The following FER1L5 variants were observed in gnomAD, a reference collection of about 807,000 sequenced individuals.
FER1L5 encodes the protein fer-1-like protein 5.
Under a neutral mutation model 279.9 loss-of-function variants are expected in FER1L5, and 187 were observed. The ratio of observed to expected loss-of-function variants is 0.67; its 90% CI spans 0.59 to 0.75. The LOEUF (loss-of-function observed/expected upper bound fraction) is 0.75, where lower values mean the gene tolerates loss of function less well. Among genes scored for constraint, FER1L5 ranks in the 30% least tolerant of loss-of-function variants. FER1L5 has a pLI of 0.00. For missense variants in FER1L5, 2,091 were observed against 2,594.4 expected, an observed-to-expected ratio of 0.81 and a Z score of 4.21; for synonymous variants, 921 against 989.7, an observed-to-expected ratio of 0.93 and a Z score of 1.30.
chr2:96,696,227 T>C, intron 37 of FER1L5, 150 bp downstream of exon 37: 3 of 838,932 alleles, frequency 3.6e-6, no homozygotes, highest in Non-Finnish European at 5.5e-6. Flanking sequence ...CTATAGGGTC[T>C]CTGTAGGTCT....
Position 96,649,663 on chromosome 2 carries a change from A to G in FER1L5, c.380A>G (p.Asp127Gly). The stretch of plus-strand genomic sequence containing the variant: ...CAGGTGGCCCACATGAGCAACCAGG[A>G]TATTGAGAAGACAGGTATGTCCTTC... ...TLQVAHMSNQDIEKTGAEDHL... is the reference protein window; with the variant it reads ...TLQVAHMSNQGIEKTGAEDHL... The change falls in exon 5 of 53, where the codon GAT becomes GGT. Residue 127 changes from aspartate to glycine, a missense_variant. By Grantham distance (94) the Asp-to-Gly change is moderately conservative. Transcript: ENST00000624922. 1 of 1,551,610 alleles carries G rather than the reference A, an allele frequency of 6.4e-7. No homozygotes were observed. Among genetic ancestry groups the G allele is most frequent in the Non-Finnish European group, 8.7e-7 (1 of 1,146,976 alleles).
At chr2:96,681,772 T>TTTTATTTATTTATTTATTTA (rs140007368) in intron 19 of FER1L5, among the ~76,000 whole-genome samples, 47 of 147,534 alleles carry the variant, frequency 3.2e-4, no homozygotes, top group Middle Eastern at 6.8e-3. Flanking sequence ...TGAGAGATTA[T>TTTTATTTATTTATTTATTTA]TTTATTTATT....
Position 96,703,552 on chromosome 2 carries a change from G to C in FER1L5, c.5721G>C (p.Leu1907=), listed in dbSNP as rs779235030. ...AGGTGAAGATGAGCCTGGAGATTCT[G>C]TCAGAGAAGGAAGCCTTAATCAAGC... ...SGKVKMSLEI[L]SEKEALIKPA... is the part of the protein sequence containing the mutation. The change falls in exon 51 of 53, where the codon CTG becomes CTC. Residue 1907 remains leucine, a synonymous_variant. Coordinates refer to ENST00000624922, the MANE Select transcript of FER1L5 (RefSeq NM_001293083.2). 2 of 1,613,862 alleles carry C rather than the reference G, an allele frequency of 1.2e-6. No homozygotes were observed. The highest frequency in any genetic ancestry group is 4.5e-5 in the East Asian group (2 of 44,892).
Position 96,668,755 on chromosome 2 carries a change from C to T in FER1L5, c.1145C>T (p.Pro382Leu). ...CCTCTCTCCTTCCCTCCACAGCTAC[C>T]CTGCCTCTCCAGCTACATCAAGTTC... ...NQILTFRIQL[P>L]CLSSYIKFRV... Residue 382 changes from proline (P) to leucine (L), a missense_variant, in exon 15 of 53, where the codon CCC becomes CTC. Pro to Leu is a moderately conservative substitution (Grantham distance 98, BLOSUM62 -3). Coordinates refer to ENST00000624922, the MANE Select transcript of FER1L5 (RefSeq NM_001293083.2). The T allele has an allele frequency of 6.4e-7, 1 of 1,551,600 alleles. No individual in the cohort carries two copies. The highest frequency in any genetic ancestry group is 1.2e-5 in the South Asian group (1 of 84,050).
chr2:96,645,202 T>C (rs1257920831), intron 1 of FER1L5, among the ~76,000 whole-genome samples: 2 of 152,130 alleles, frequency 1.3e-5, no homozygotes, highest in Non-Finnish European at 2.9e-5. Context: ...TTTCAGTGGG[T>C]TAACAATAAA....
At chr2:96,685,189 T>C in intron 20 of FER1L5, 140 bp from the exon 21 acceptor site, 1 of 711,026 alleles carries the variant, frequency 1.4e-6, no homozygotes, top group South Asian at 1.6e-5. Context: ...GTGGACAACC[T>C]TGAACTGATA....
At chr2:96,671,157 T>C (rs2106576084) in intron 18 of FER1L5, among the ~76,000 whole-genome samples, 1 of 144,398 alleles carries the variant, frequency 6.9e-6, no homozygotes, top group Non-Finnish European at 1.5e-5. Context: ...AAGGAGAAAT[T>C]GTGTTAATTC....
chr2:96,679,106 A>G (rs1397419339), intron 19 of FER1L5, among the ~76,000 whole-genome samples: 2 of 152,096 alleles, frequency 1.3e-5, no homozygotes, highest in Non-Finnish European at 2.9e-5. Flanking sequence ...TGTAATCCCA[A>G]CACTTTGGGA....
intron 19 of FER1L5, among the ~76,000 whole-genome samples, chr2:96,674,170 C>A (rs867429713): frequency 6.6e-6 from 1 of 152,176 alleles, no homozygotes; most frequent in African/African-American, 2.4e-5. Context: ...AGTCACCCCC[C>A]ATTTATCTCC....
Position 96,695,336 on chromosome 2 carries a change from C to T in FER1L5, c.3742-173C>T, listed in dbSNP as rs144050976. On this transcript the variant is annotated intron_variant, in intron 34 of 52. Coordinates refer to ENST00000624922, the MANE Select transcript of FER1L5 (RefSeq NM_001293083.2). ...GGGCAAGCACTGATCCCTCACAGGA[C>T]GGGGAAGCCTGTCCTTGTGCGCCTT... 85 of 836,756 alleles carry T rather than the reference C, an allele frequency of 1.0e-4. No individual in the cohort carries two copies. In the East Asian group the frequency reaches 2.3e-3, roughly 22 times the overall value. The allele number at this position is 836,756 out of a possible 1,614,324, so 51.8% of individuals were successfully genotyped here.
At chr2:96,665,393 A>T (rs1022132143) in intron 14 of FER1L5, among the ~76,000 whole-genome samples, 1 of 152,034 alleles carries the variant, frequency 6.6e-6, no homozygotes, top group African/African-American at 2.4e-5. Context: ...ACCATTCCTC[A>T]TAATCCCTGC....
intron 1 of FER1L5, among the ~76,000 whole-genome samples, chr2:96,643,764 T>G (rs1348233126): frequency 2.0e-5 from 3 of 148,624 alleles, no homozygotes; most frequent in African/African-American, 7.5e-5. Flanking sequence ...GAGAAAAGAA[T>G]CCCAAGAAGG....
At chr2:96,673,804 G>C (rs2076414871) in intron 19 of FER1L5, among the ~76,000 whole-genome samples, 1 of 152,202 alleles carries the variant, frequency 6.6e-6, no homozygotes, top group African/African-American at 2.4e-5. Context: ...CCCCACGCTA[G>C]CCCTAGAGAA....
chr2:96,686,956 C>A (rs59073958), intron 23 of FER1L5, among the ~76,000 whole-genome samples: 2 of 151,914 alleles, frequency 1.3e-5, no homozygotes, highest in Non-Finnish European at 2.9e-5. Flanking sequence ...TTCCCTGGAC[C>A]GTGACGGGGT....
chr2:96,658,532 G>A (rs2075692469), intron 9 of FER1L5, among the ~76,000 whole-genome samples: 1 of 152,056 alleles, frequency 6.6e-6, no homozygotes, highest in Non-Finnish European at 1.5e-5. Flanking sequence ...GATTACAGGT[G>A]TGAGCCACTG....
intron 45 of FER1L5, among the ~76,000 whole-genome samples, chr2:96,701,405 C>T (rs1042002521): frequency 3.9e-5 from 6 of 152,184 alleles, no homozygotes; most frequent in East Asian, 3.8e-4. Context: ...AAAGGCAGAA[C>T]GTATTTGTGT....
chr2:96,662,790 G>A (rs1016162240), intron 13 of FER1L5, among the ~76,000 whole-genome samples: 6 of 152,144 alleles, frequency 3.9e-5, no homozygotes, highest in African/African-American at 4.8e-5. Context: ...ACACATAAGC[G>A]GAGAGAAAAT....
Position 96,649,661 on chromosome 2 carries a change from G to A in FER1L5, c.378G>A (p.Gln126=). ...TACAGGTGGCCCACATGAGCAACCA[G>A]GATATTGAGAAGACAGGTATGTCCT... The part of the protein sequence containing the change: ...VTLQVAHMSN[Q]DIEKTGAEDH... The change falls in exon 5 of 53, where the codon CAG becomes CAA. Residue 126 remains glutamine (Q), a synonymous_variant. Coordinates refer to ENST00000624922, the MANE Select transcript of FER1L5 (RefSeq NM_001293083.2). 6.4e-7 allele frequency: 1 copy of A among 1,551,606 alleles called. No individual in the cohort carries two copies. Among genetic ancestry groups the A allele is most frequent in the Non-Finnish European group, 8.7e-7 (1 of 1,146,960 alleles).
At chr2:96,647,680 C>G (rs2075194874) in intron 3 of FER1L5, 98 bp from the exon 4 acceptor site, 1 of 864,254 alleles carries the variant, frequency 1.2e-6, no homozygotes, top group African/African-American at 1.7e-5. Context: ...CAGCACAGCC[C>G]TGGGAGGAAA....
Sources: allele counts gnomAD v4.1 joint callset (sites outside exome capture counted in the v4.1 genomes callset), GRCh38; gene constraint gnomAD v4.1.1; transcripts MANE v1.5; gene names NCBI Gene and HGNC (gene_info 2026-07-23, HGNC 2026-07-21).